The following HTR2C variants were observed in gnomAD, a reference collection of about 807,000 sequenced individuals.
The protein encoded by HTR2C is 5-hydroxytryptamine receptor 2C.
HTR2C carries 5 observed loss-of-function variants against 21.0 expected under a neutral mutation model. The ratio of observed to expected loss-of-function variants is 0.24; its 90% CI spans 0.12 to 0.50. The LOEUF (loss-of-function observed/expected upper bound fraction) is 0.50. Ranked by LOEUF, HTR2C falls within the 20% of genes least tolerant of loss-of-function variation. HTR2C has a pLI of 0.98. For missense variants in HTR2C, 271 were observed against 371.2 expected (o/e 0.73, Z 2.22); for synonymous variants, 150 against 145.3 (o/e 1.03, Z -0.23).
At chrX:114,775,427 A>G in intron 4 of HTR2C, 1 of 521,754 alleles carries the variant, frequency 1.9e-6, no homozygotes, top group Admixed American at 2.3e-5. Flanking sequence ...TGGTCATAGC[A>G]CACTCACCTT....
At chrX:114,895,814 C>G (rs1401210119) in intron 5 of HTR2C, among the ~76,000 whole-genome samples, 2 of 110,494 alleles carry the variant, frequency 1.8e-5, no homozygotes, top group African/African-American at 6.6e-5. Context: ...ATGGTGAAAC[C>G]TTATCTCTAC....
chrX:114,672,713 A>G (rs1342267550), intron 2 of HTR2C, among the ~76,000 whole-genome samples: 7 of 112,099 alleles, frequency 6.2e-5, no homozygotes, highest in South Asian at 3.7e-4. Context: ...TAAGACTTCA[A>G]ATTAAGGCAT....
chrX:114,703,995 C>G (rs1316766523), intron 2 of HTR2C, among the ~76,000 whole-genome samples: 1 of 110,185 alleles, frequency 9.1e-6, no homozygotes, highest in African/African-American at 3.3e-5. Context: ...TACACCCTCC[C>G]AAGAATAAAC....
chrX:114,859,997 T>C, intron 5 of HTR2C, among the ~76,000 whole-genome samples: 1 of 111,901 alleles, frequency 8.9e-6, no homozygotes, highest in South Asian at 3.6e-4. Context: ...TGAGTTGTAA[T>C]TAATGCCACA....
chrX:114,846,884 T>C (rs1160571392), intron 4 of HTR2C, among the ~76,000 whole-genome samples: 1 of 111,998 alleles, frequency 8.9e-6, no homozygotes, highest in Non-Finnish European at 1.9e-5. Flanking sequence ...GAAGACATGA[T>C]CTTATATATG....
chrX:114,669,655 A>G (rs1230168601), intron 2 of HTR2C, among the ~76,000 whole-genome samples: 2 of 111,857 alleles, frequency 1.8e-5, no homozygotes, highest in African/African-American at 6.5e-5. Context: ...AGATCGCGCC[A>G]CTGCACTCCA....
intron 3 of HTR2C, among the ~76,000 whole-genome samples, chrX:114,730,640 C>T (rs1465100096): frequency 1.8e-5 from 2 of 111,160 alleles, no homozygotes; most frequent in African/African-American, 3.3e-5. Context: ...GACGCTTTGC[C>T]GGAATTTGAT....
At chrX:114,774,567 G>A (rs2070037484) in intron 4 of HTR2C, among the ~76,000 whole-genome samples, 4 of 111,537 alleles carry the variant, frequency 3.6e-5, no homozygotes, top group African/African-American at 1.3e-4. Flanking sequence ...TATTCTTAAC[G>A]CAGTGTTAAA....
At chrX:114,899,216 G>A (rs1385735753) in intron 5 of HTR2C, among the ~76,000 whole-genome samples, 1 of 111,243 alleles carries the variant, frequency 9.0e-6, no homozygotes, top group South Asian at 3.8e-4. Context: ...ATAGGAATGC[G>A]CTATCTCAGG....
chrX:114,690,463 G>T (rs1932072905), intron 2 of HTR2C, among the ~76,000 whole-genome samples: 1 of 111,275 alleles, frequency 9.0e-6, no homozygotes, highest in African/African-American at 3.3e-5. Context: ...TACCCTTCAA[G>T]ATGTTTCTTT....
chrX:114,775,499 T>C, intron 4 of HTR2C: 2 of 501,630 alleles, frequency 4.0e-6, no homozygotes, highest in South Asian at 2.5e-5. Flanking sequence ...AGAAGGTCTC[T>C]GTCTGCTTGG....
At chrX:114,707,615 T>C (rs782759356) in intron 2 of HTR2C, among the ~76,000 whole-genome samples, 5 of 110,926 alleles carry the variant, frequency 4.5e-5, no homozygotes, top group African/African-American at 1.6e-4. Flanking sequence ...AAGATGAAGG[T>C]GACTAGAGAG....
At chrX:114,849,694 C>G (rs782054209) in intron 5 of HTR2C, among the ~76,000 whole-genome samples, 1 of 111,790 alleles carries the variant, frequency 8.9e-6, no homozygotes, top group Non-Finnish European at 1.9e-5. Flanking sequence ...GGAATTCAGC[C>G]CTGGTTCAAG....
chrX:114,897,050 A>G (rs1231560305), intron 5 of HTR2C, among the ~76,000 whole-genome samples: 3 of 111,824 alleles, frequency 2.7e-5, no homozygotes, highest in African/African-American at 9.7e-5. Context: ...AAGGATTGCC[A>G]TCGGATATCT....
intron 2 of HTR2C, among the ~76,000 whole-genome samples, chrX:114,701,675 C>A (rs986963644): frequency 4.4e-5 from 5 of 112,494 alleles, no homozygotes; most frequent in Middle Eastern, 4.6e-3. Context: ...CAAAGGAACG[C>A]AGTTCCTCAC....
At chrX:114,867,668 G>T (rs191575800) in intron 5 of HTR2C, among the ~76,000 whole-genome samples, 4 of 111,744 alleles carry the variant, frequency 3.6e-5, no homozygotes, top group African/African-American at 6.5e-5. Context: ...TAATCGATTT[G>T]ATTTGATTTT....
chrX:114,893,200 C>T (rs1556483144), intron 5 of HTR2C, among the ~76,000 whole-genome samples: 1 of 110,428 alleles, frequency 9.1e-6, no homozygotes, highest in Non-Finnish European at 1.9e-5. Context: ...AAGTGTGAGC[C>T]ACTGTGCCCA....
chrX:114,724,091 G>A (rs1270013185), intron 2 of HTR2C, among the ~76,000 whole-genome samples: 1 of 106,229 alleles, frequency 9.4e-6, no homozygotes, highest in Non-Finnish European at 1.9e-5. Flanking sequence ...CTGTCTCGTT[G>A]ATATGTCTAA....
intron 4 of HTR2C, among the ~76,000 whole-genome samples, chrX:114,821,878 C>CTT (rs782532204): frequency 4.3e-5 from 4 of 93,967 alleles, no homozygotes; most frequent in East Asian, 3.2e-4. Context: ...ACTAAATATC[C>CTT]TTTTTTTTTT....
Sources: allele counts gnomAD v4.1 joint callset (sites outside exome capture counted in the v4.1 genomes callset), GRCh38; gene constraint gnomAD v4.1.1; transcripts MANE v1.5; gene names NCBI Gene and HGNC (gene_info 2026-07-23, HGNC 2026-07-21).